FGGY: variants seen among roughly 807,000 people sequenced by gnomAD.
FGGY encodes FGGY carbohydrate kinase domain-containing protein.
A neutral mutation model predicts 71.3 loss-of-function variants in FGGY; 72 were observed. The ratio of observed to expected loss-of-function variants is 1.01; its 90% confidence interval spans 0.84 to 1.23. The LOEUF (loss-of-function observed/expected upper bound fraction) is 1.23, where lower values mean the gene tolerates loss of function less well. FGGY is among the 50% of genes most tolerant of loss of function. FGGY has a pLI of 0.00. For missense variants in FGGY, 668 were observed against 682.3 expected (o/e 0.98, Z 0.23); for synonymous variants, 251 against 250.3 (o/e 1.00, Z -0.02).
Position 59,355,150 on chromosome 1 carries a change from A to T in FGGY, c.465+8752A>T, listed in dbSNP as rs535472001. On this transcript the variant is annotated intron_variant, in intron 4 of 15. Coordinates refer to ENST00000303721, the MANE Select transcript of FGGY (RefSeq NM_018291.5). ...TGACACAGTATGTTTTATGACCTTAAAAAAATCATTCTGGCATATGTGCTA... is the reference window on the plus strand; with the variant it reads ...TGACACAGTATGTTTTATGACCTTATAAAAATCATTCTGGCATATGTGCTA... Among the ~76,000 whole-genome samples, 5 of 152,360 alleles carry T rather than the reference A, an allele frequency of 3.3e-5. No individual in the cohort carries two copies. In the South Asian group the frequency reaches 1.0e-3, roughly 32 times the overall value.
chr1:59,671,223 C>T (rs1322390349), intron 13 of FGGY, among the ~76,000 whole-genome samples: 1 of 152,162 alleles, frequency 6.6e-6, no homozygotes, highest in Admixed American at 6.5e-5. Context: ...CAAAATGTGT[C>T]GGTGTCAGTC....
chr1:59,409,599 TATATA>T (rs1337613129), intron 5 of FGGY, among the ~76,000 whole-genome samples: 1 of 44,300 alleles, frequency 2.3e-5, no homozygotes, highest in Non-Finnish European at 4.1e-5. Context: ...AAGAGTTTTT[TATATA>T]TATATATATA....
At chr1:59,472,098 G>T (rs911872717) in intron 6 of FGGY, among the ~76,000 whole-genome samples, 1 of 152,216 alleles carries the variant, frequency 6.6e-6, no homozygotes, top group African/African-American at 2.4e-5. Flanking sequence ...GGCCGGAGCC[G>T]GCCCCCTCAG....
At chr1:59,410,781 T>G (rs1004047683) in intron 5 of FGGY, among the ~76,000 whole-genome samples, 1 of 152,178 alleles carries the variant, frequency 6.6e-6, no homozygotes, top group African/African-American at 2.4e-5. Flanking sequence ...TATTGTATTT[T>G]AATATCTTCT....
At chr1:59,492,335 G>A (rs1022611655) in intron 6 of FGGY, among the ~76,000 whole-genome samples, 2 of 152,060 alleles carry the variant, frequency 1.3e-5, no homozygotes, top group East Asian at 1.9e-4. Context: ...TGAGAATGGG[G>A]TACTAAAAAG....
intron 5 of FGGY, among the ~76,000 whole-genome samples, chr1:59,448,103 G>T (rs914844879): frequency 1.3e-5 from 2 of 151,942 alleles, no homozygotes; most frequent in Non-Finnish European, 2.9e-5. Context: ...TGCTATTTAG[G>T]TTTTACCTTT....
intron 5 of FGGY, among the ~76,000 whole-genome samples, chr1:59,454,528 C>A (rs2091494581): frequency 6.6e-6 from 1 of 152,170 alleles, no homozygotes; most frequent in Non-Finnish European, 1.5e-5. Context: ...GTTCTGTGAT[C>A]TGTGCCACAT....
At chr1:59,323,436 C>T (rs1166588344) in intron 2 of FGGY, among the ~76,000 whole-genome samples, 2 of 152,186 alleles carry the variant, frequency 1.3e-5, no homozygotes, top group East Asian at 3.8e-4. Flanking sequence ...GGCGATTCTC[C>T]TCAGATGGAG....
chr1:59,726,019 T>A (rs1357281810), intron 14 of FGGY, among the ~76,000 whole-genome samples: 2 of 152,198 alleles, frequency 1.3e-5, no homozygotes, highest in African/African-American at 4.8e-5. Flanking sequence ...CATCCAGTTT[T>A]CCATCAAGTA....
intron 4 of FGGY, among the ~76,000 whole-genome samples, chr1:59,353,437 C>T (rs2053676990): frequency 6.6e-6 from 1 of 152,048 alleles, no homozygotes; most frequent in Non-Finnish European, 1.5e-5. Context: ...TAGAAACCAT[C>T]ATCAAAGTTT....
chr1:59,550,911 T>A (rs1044678047), intron 7 of FGGY, among the ~76,000 whole-genome samples: 3 of 152,266 alleles, frequency 2.0e-5, no homozygotes, highest in African/African-American at 7.2e-5. Flanking sequence ...CACTCTGCTC[T>A]GTTCTTCTAC....
intron 11 of FGGY, among the ~76,000 whole-genome samples, chr1:59,647,301 T>G (rs2097104273): frequency 6.6e-6 from 1 of 152,152 alleles, no homozygotes; most frequent in Non-Finnish European, 1.5e-5. Context: ...GGCTTAGACT[T>G]AAACCCTCAG....
chr1:59,584,666 C>A lies in FGGY; in HGVS notation c.904-23137C>A, dbSNP rs940568480. Among the ~76,000 whole-genome samples, 12 of 149,784 alleles carry A rather than the reference C, an allele frequency of 8.0e-5. 1 individual carries two copies. Among genetic ancestry groups the A allele is most frequent in the African/African-American group, 3.0e-4 (12 of 39,534 alleles). On this transcript the variant is annotated intron_variant, in intron 8 of 15. Coordinates refer to ENST00000303721, the MANE Select transcript of FGGY (RefSeq NM_018291.5). ...TTCAACGTAGTGTTGGAAGTTCTGG[C>A]CAGGGCAATCAGGCAGGAGAAGGAA...
intron 14 of FGGY, among the ~76,000 whole-genome samples, chr1:59,714,993 A>G (rs752855277): frequency 1.3e-5 from 2 of 152,186 alleles, no homozygotes; most frequent in Non-Finnish European, 2.9e-5. Flanking sequence ...GAGAGTTTGC[A>G]GGGCATTTTG....
At chr1:59,369,143 G>A (rs1392291347) in intron 4 of FGGY, among the ~76,000 whole-genome samples, 1 of 152,218 alleles carries the variant, frequency 6.6e-6, no homozygotes, top group African/African-American at 2.4e-5. Flanking sequence ...AGGGGTCAGG[G>A]AGTTCCCTTT....
intron 5 of FGGY, among the ~76,000 whole-genome samples, chr1:59,440,586 A>G (rs2069595284): frequency 6.6e-6 from 1 of 151,056 alleles, no homozygotes; most frequent in Non-Finnish European, 1.5e-5. Flanking sequence ...CTATTGATTC[A>G]GTAAATATTA....
At chr1:59,610,738 G>A (rs2096667960) in intron 9 of FGGY, among the ~76,000 whole-genome samples, 1 of 152,248 alleles carries the variant, frequency 6.6e-6, no homozygotes, top group Admixed American at 6.5e-5. Context: ...GGAAGCACAA[G>A]GGGTCCAGGA....
chr1:59,582,198 A>G (rs912449332), intron 8 of FGGY, among the ~76,000 whole-genome samples: 4 of 149,848 alleles, frequency 2.7e-5, no homozygotes, highest in Admixed American at 2.0e-4. Flanking sequence ...GCAGTGAGCC[A>G]TGATCATGCC....
At chr1:59,431,549 G>A (rs929863508) in intron 5 of FGGY, among the ~76,000 whole-genome samples, 2 of 152,078 alleles carry the variant, frequency 1.3e-5, no homozygotes, top group Non-Finnish European at 2.9e-5. Context: ...CTGATAGTCC[G>A]GACGTAGATG....
Sources: allele counts gnomAD v4.1 joint callset (sites outside exome capture counted in the v4.1 genomes callset), GRCh38; gene constraint gnomAD v4.1.1; transcripts MANE v1.5; gene names NCBI Gene and HGNC (gene_info 2026-07-23, HGNC 2026-07-21).